STK17A: variants seen among roughly 807,000 people sequenced by gnomAD.
STK17A encodes serine/threonine kinase 17a.
A neutral mutation model predicts 43.7 loss-of-function variants in STK17A; 26 were observed. That is an observed-to-expected ratio of 0.60 (90% CI 0.44 to 0.83). STK17A has a LOEUF of 0.83. Among genes scored for constraint, STK17A ranks in the 40% least tolerant of loss-of-function variants. The probability of loss-of-function intolerance (pLI) is 0.00; values close to 1 mark genes in which losing one functional copy is unlikely to be tolerated. For synonymous variants in STK17A, 191 were observed against 182.5 expected (o/e 1.05, Z -0.38); for missense variants, 476 against 511.6 (o/e 0.93, Z 0.67).
chr7:43,588,437 C>T (rs891086852), intron 1 of STK17A, among the ~76,000 whole-genome samples: 3 of 151,498 alleles, frequency 2.0e-5, no homozygotes, highest in Non-Finnish European at 3.0e-5. Context: ...TTTCTTATCA[C>T]GCATGCTAAT....
chr7:43,617,486 G>A lies in STK17A; in HGVS notation c.565-2111G>A, dbSNP rs1309119781. ...GGTGACATGTTAGCTAAATGGAAGA[G>A]CGGGGAGGAAAGGAATGGCCAAGAT... On this transcript the variant is annotated intron_variant, in intron 3 of 6. Transcript: ENST00000319357. Among the ~76,000 whole-genome samples the A allele has an allele frequency of 3.3e-5, 5 of 152,198 alleles. No homozygotes were observed. The East Asian group carries it at 9.6e-4, about 29-fold the overall frequency.
intron 3 of STK17A, among the ~76,000 whole-genome samples, chr7:43,616,929 G>T (rs547942846): frequency 1.3e-5 from 2 of 152,154 alleles, no homozygotes; most frequent in African/African-American, 4.8e-5. Flanking sequence ...CCTCAATTTC[G>T]TTTTTCATAT....
At chr7:43,590,474 C>T (rs944408545) in intron 1 of STK17A, among the ~76,000 whole-genome samples, 1 of 151,400 alleles carries the variant, frequency 6.6e-6, no homozygotes, top group Non-Finnish European at 1.5e-5. Flanking sequence ...TCTTACCTTT[C>T]CCACCTCTCT....
At chr7:43,611,695 G>A (rs1042820177) in intron 3 of STK17A, among the ~76,000 whole-genome samples, 1 of 152,216 alleles carries the variant, frequency 6.6e-6, no homozygotes, top group African/African-American at 2.4e-5. Flanking sequence ...TAGCCATGCA[G>A]AGGAATTCCC....
chr7:43,605,132 T>G (rs2082580186), intron 2 of STK17A, among the ~76,000 whole-genome samples: 1 of 152,218 alleles, frequency 6.6e-6, no homozygotes, highest in Non-Finnish European at 1.5e-5. Flanking sequence ...TATCTGCCAA[T>G]TCCATCATCT....
At chr7:43,608,153 A>T (rs2082628311) in intron 2 of STK17A, 103 bp from the exon 3 acceptor site, 2 of 1,136,342 alleles carry the variant, frequency 1.8e-6, no homozygotes, top group Non-Finnish European at 2.5e-6. Flanking sequence ...TAAAAAAGGT[A>T]TACAGTTACT....
In STK17A at chr7:43,623,889, G is replaced by A. The variant is rs1243644101; in HGVS notation, c.920+1G>A. 1 of 1,507,728 alleles carries A rather than the reference G, an allele frequency of 6.6e-7. No individual in the cohort carries two copies. The highest frequency in any genetic ancestry group is 8.8e-7 in the Non-Finnish European group (1 of 1,135,188). 93.4% of individuals were successfully genotyped at this position (1,507,728 alleles called of 1,614,324 possible). ...GGACACTTTTAGTTAAGAAACCTGA[G>A]TAAGTATTATTTTTATTAGTTTAAT... On this transcript the variant is annotated splice_donor_variant, in intron 6 of 6. Coordinates refer to ENST00000319357, the MANE Select transcript of STK17A (RefSeq NM_004760.3). LOFTEE classifies it high-confidence loss of function.
At chr7:43,605,819 T>C (rs2082584886) in intron 2 of STK17A, among the ~76,000 whole-genome samples, 1 of 152,052 alleles carries the variant, frequency 6.6e-6, no homozygotes, top group South Asian at 2.1e-4. Flanking sequence ...TCTAGTTGTT[T>C]ATAGCCAGAG....
intron 6 of STK17A, 125 bp from the exon 7 acceptor site, chr7:43,624,393 T>G: frequency 1.1e-6 from 1 of 893,478 alleles, no homozygotes; most frequent in Non-Finnish European, 1.6e-6. Context: ...TATTCAGGAA[T>G]CACAGTAAGA....
At chr7:43,584,869 TC>T (rs1229309658) in intron 1 of STK17A, among the ~76,000 whole-genome samples, 4 of 152,178 alleles carry the variant, frequency 2.6e-5, no homozygotes, top group African/African-American at 9.7e-5. Context: ...TTGTCGACAT[TC>T]CAAACATTCT....
At chr7:43,606,641 A>G (rs1226918568) in intron 2 of STK17A, among the ~76,000 whole-genome samples, 3 of 152,174 alleles carry the variant, frequency 2.0e-5, no homozygotes, top group East Asian at 1.9e-4. Context: ...GGGCTTCTCT[A>G]GCTTCCATGT....
At chr7:43,622,583 A>G (rs1376864552) in intron 4 of STK17A, 1 of 151,732 alleles carries the variant, frequency 6.6e-6, no homozygotes, top group South Asian at 2.1e-4. Flanking sequence ...GTGGATTGTG[A>G]GTAGATTTTT....
intron 1 of STK17A, among the ~76,000 whole-genome samples, chr7:43,593,683 A>G (rs1486634638): frequency 6.8e-6 from 1 of 146,650 alleles, no homozygotes; most frequent in Non-Finnish European, 1.5e-5. Context: ...TTTTGAAAAA[A>G]TGTCTGTTCA....
At chr7:43,586,053 T>TAAAAAA (rs1218736591) in intron 1 of STK17A, among the ~76,000 whole-genome samples, 6 of 151,664 alleles carry the variant, frequency 4.0e-5, no homozygotes, top group Non-Finnish European at 8.9e-5. Context: ...TTTGATAAGA[T>TAAAAAA]AGAAAACCTA....
rs1563144662 is a variant in STK17A at position 43,595,971 on chromosome 7, A to G, written c.277A>G (p.Arg93Gly). The G allele has an allele frequency of 1.2e-6, 2 of 1,614,000 alleles. No individual in the cohort carries two copies. The highest frequency in any genetic ancestry group is 3.3e-5 in the Admixed American group (2 of 60,022). ...GAAAGAATTTGCTGCAAAGTTCATGAGAAAAAGAAGAAAAGGCCAAGATTG... is the reference window on the plus strand; with the variant it reads ...GAAAGAATTTGCTGCAAAGTTCATGGGAAAAAGAAGAAAAGGCCAAGATTG... ...SGKEFAAKFMRKRRKGQDCRM... is the reference protein window; with the variant it reads ...SGKEFAAKFMGKRRKGQDCRM... The change falls in exon 2 of 7, where the codon AGA becomes GGA. Residue 93 changes from arginine (R) to glycine (G), a missense_variant. Arg to Gly is a moderately radical substitution (Grantham distance 125). Transcript: ENST00000319357.
intron 1 of STK17A, among the ~76,000 whole-genome samples, chr7:43,594,401 G>C (rs1357546401): frequency 1.3e-5 from 2 of 152,194 alleles, no homozygotes; most frequent in Non-Finnish European, 2.9e-5. Context: ...GGTCTGGTCT[G>C]TACTGCTCAG....
chr7:43,608,324 T>G lies in STK17A; in HGVS notation c.488T>G (p.Val163Gly). 1.2e-6 allele frequency: 2 copies of G among 1,614,114 alleles called. No homozygotes were observed. The highest frequency in any genetic ancestry group is 1.7e-6 in the Non-Finnish European group (2 of 1,180,010). ...DREEAFKEKD[V>G]QRLMRQILEG... ...GAAGAAGCCTTTAAAGAAAAAGATG[T>G]TCAAAGACTTATGCGACAGATTTTA... The change falls in exon 3 of 7, where the codon GTT becomes GGT. Residue 163 changes from valine to glycine, a missense_variant. Val to Gly is a moderately radical substitution (Grantham distance 109). This residue lies in a region of STK17A where 320 missense variants were observed against 326.3 expected (regional missense o/e 0.98). Coordinates refer to ENST00000319357, the MANE Select transcript of STK17A (RefSeq NM_004760.3).
intron 3 of STK17A, chr7:43,608,981 G>A (rs1053360052): frequency 2.0e-5 from 3 of 152,316 alleles, no homozygotes; most frequent in African/African-American, 7.2e-5. Flanking sequence ...AGGCGGAGAA[G>A]AGGAAGGAAA....
intron 2 of STK17A, among the ~76,000 whole-genome samples, chr7:43,597,576 G>A (rs2082526315): frequency 2.0e-5 from 3 of 151,944 alleles, no homozygotes; most frequent in African/African-American, 7.3e-5. Flanking sequence ...TTTTAGAGAT[G>A]GGGTTTCACC....
Sources: allele counts gnomAD v4.1 joint callset (sites outside exome capture counted in the v4.1 genomes callset), GRCh38; gene constraint gnomAD v4.1.1; regional missense constraint gnomAD v4.1.1; transcripts MANE v1.5; gene names NCBI Gene and HGNC (gene_info 2026-07-23, HGNC 2026-07-21).